KCNB2: variants seen among roughly 807,000 people sequenced by gnomAD.
KCNB2 encodes potassium voltage-gated channel subfamily B member 2.
KCNB2 carries 15 observed loss-of-function variants against 61.5 expected under a neutral mutation model. The observed-to-expected ratio is 0.24, with a 90% CI of 0.16 to 0.38. The LOEUF is 0.38. Ranked by LOEUF, KCNB2 falls within the 10% of genes least tolerant of loss-of-function variation. KCNB2 has a pLI of 1.00. For missense variants in KCNB2, 828 were observed against 1,125.2 expected (o/e 0.74, Z 3.78); for synonymous variants, 457 against 446.0 (o/e 1.02, Z -0.31).
chr8:72,642,447 A>G (rs1345251954), intron 2 of KCNB2, among the ~76,000 whole-genome samples: 1 of 152,100 alleles, frequency 6.6e-6, no homozygotes, highest in Non-Finnish European at 1.5e-5. Context: ...CATCATTATA[A>G]AGAACACAGA....
chr8:72,936,924 G>T lies in KCNB2; in HGVS notation c.1569G>T (p.Gln523His), dbSNP rs774928648. ...QEVSQKDSHE[Q>H]LNNTSSSSPQ... is the part of the protein sequence containing the mutation. ...TTAGCCAAAAAGACTCCCACGAGCA[G>T]CTGAACAACACGTCTTCCTCCAGCC... is the stretch of plus-strand genomic sequence containing the variant. The change falls in exon 3 of 3, where the codon CAG becomes CAT. Residue 523 changes from glutamine (Q) to histidine (H), a missense_variant. This residue lies in a region of KCNB2 where 559 missense variants were observed against 588.4 expected (regional missense o/e 0.95). Coordinates refer to ENST00000523207, the MANE Select transcript of KCNB2 (RefSeq NM_004770.3). This position sits in a 1 kb window ranked among gnomAD's most constrained non-coding sequence, Gnocchi z 5.6. The T allele has an allele frequency of 2.5e-6, 4 of 1,614,026 alleles. No homozygotes were observed. The East Asian group carries it at 8.9e-5, about 36-fold the overall frequency.
intron 2 of KCNB2, among the ~76,000 whole-genome samples, chr8:72,874,200 T>A (rs1457357576): frequency 3.3e-5 from 5 of 152,234 alleles, no homozygotes; most frequent in African/African-American, 9.6e-5. Flanking sequence ...TCTAATTTTT[T>A]AAAAAATCTT....
intron 2 of KCNB2, among the ~76,000 whole-genome samples, chr8:72,667,006 T>TGTGTGAGA (rs141712140): frequency 0.016 from 2,368 of 147,896 alleles, 67 homozygotes; most frequent in African/African-American, 0.055. Context: ...TGTGTGTGTG[T>TGTGTGAGA]GAGAGAGAGA....
intron 2 of KCNB2, among the ~76,000 whole-genome samples, chr8:72,626,456 G>A (rs1342155896): frequency 2.0e-5 from 3 of 152,252 alleles, no homozygotes; most frequent in Non-Finnish European, 4.4e-5. Context: ...GTTACATGCA[G>A]CTAAATGACT....
intron 2 of KCNB2, among the ~76,000 whole-genome samples, chr8:72,628,467 T>C (rs1805829805): frequency 6.6e-6 from 1 of 150,410 alleles, no homozygotes; most frequent in Non-Finnish European, 1.5e-5. Context: ...AAGGGGTAGC[T>C]GATAATTATT....
chr8:72,915,436 G>A (rs1392512225), intron 2 of KCNB2, among the ~76,000 whole-genome samples: 1 of 152,110 alleles, frequency 6.6e-6, no homozygotes, highest in Admixed American at 6.5e-5. Context: ...CATGGGAGGG[G>A]GAAGGAGGTA....
At chr8:72,641,700 T>C (rs1806058687) in intron 2 of KCNB2, among the ~76,000 whole-genome samples, 1 of 152,116 alleles carries the variant, frequency 6.6e-6, no homozygotes, top group East Asian at 1.9e-4. Context: ...ACAATGCTTC[T>C]TCCTAGCAGC....
At chr8:72,538,640 T>C (rs1298525689) in intron 1 of KCNB2, among the ~76,000 whole-genome samples, 2 of 152,246 alleles carry the variant, frequency 1.3e-5, no homozygotes, top group Admixed American at 6.5e-5. Context: ...CAAGATTACA[T>C]TGAAAAAAAT....
chr8:72,552,958 A>T (rs1366115877), intron 1 of KCNB2, among the ~76,000 whole-genome samples: 1 of 152,084 alleles, frequency 6.6e-6, no homozygotes, highest in Non-Finnish European at 1.5e-5. Flanking sequence ...TGACAAAGAT[A>T]CAACACTGTG....
intron 2 of KCNB2, among the ~76,000 whole-genome samples, chr8:72,799,014 A>G (rs1224157168): frequency 6.6e-6 from 1 of 152,156 alleles, no homozygotes; most frequent in African/African-American, 2.4e-5. Flanking sequence ...TATCACTGTG[A>G]AGTATCTCAA....
chr8:72,613,733 T>A lies in KCNB2; in HGVS notation c.579+45420T>A, dbSNP rs535656946. Among the ~76,000 whole-genome samples, 5 of 152,304 alleles carry A rather than the reference T, an allele frequency of 3.3e-5. No homozygotes were observed. In the East Asian group the frequency reaches 9.6e-4, roughly 29 times the overall value. On this transcript the variant is annotated intron_variant, in intron 2 of 2. Coordinates refer to ENST00000523207, the MANE Select transcript of KCNB2 (RefSeq NM_004770.3). ...GTAGTCCCATTGTAAACCCCTGATG[T>A]GGTTAAACAGTGCACTTGTTAGTTG...
intron 2 of KCNB2, among the ~76,000 whole-genome samples, chr8:72,573,582 C>A (rs1806747783): frequency 6.6e-6 from 1 of 151,978 alleles, no homozygotes; most frequent in South Asian, 2.1e-4. Flanking sequence ...GTGTGCCGTG[C>A]AGTGCTATCC....
chr8:72,542,568 A>T (rs981274633), intron 1 of KCNB2, among the ~76,000 whole-genome samples: 2 of 152,174 alleles, frequency 1.3e-5, no homozygotes, highest in Admixed American at 1.3e-4. Context: ...GTATGGCAAT[A>T]CTCCTGGGGA....
At position 72,565,141 on chromosome 8, in the gene KCNB2, G is replaced by GTATATA. The variant is rs71566822; in HGVS notation, c.-93-2491_-93-2486dup. 1.6e-3 allele frequency among the ~76,000 whole-genome samples: 236 copies of GTATATA among 149,526 alleles called. 1 individual carries two copies. Among genetic ancestry groups the GTATATA allele is most frequent in the African/African-American group, 5.3e-3 (218 of 40,954 alleles). Reference sequence around the variant, plus strand: ...TGTCATGTGTGATGAAAATGTGTGTGTATATATATATATATGCTTAAAATA... The same window carrying GTATATA: ...TGTCATGTGTGATGAAAATGTGTGTGTATATATATATATATATATATGCTTAAAATA... On this transcript the variant is annotated intron_variant, in intron 1 of 2. Transcript: ENST00000523207.
intron 2 of KCNB2, among the ~76,000 whole-genome samples, chr8:72,664,850 A>G (rs997194951): frequency 1.3e-5 from 2 of 152,224 alleles, no homozygotes; most frequent in Non-Finnish European, 2.9e-5. Flanking sequence ...TTGTAAGTTT[A>G]AGTAAGGTTA....
intron 2 of KCNB2, among the ~76,000 whole-genome samples, chr8:72,768,930 G>A (rs1318374125): frequency 5.9e-5 from 9 of 152,114 alleles, no homozygotes; most frequent in African/African-American, 2.2e-4. Context: ...GGAGGCCAAG[G>A]TGGGCAGATC....
intron 2 of KCNB2, among the ~76,000 whole-genome samples, chr8:72,695,402 A>G (rs931231655): frequency 7.2e-5 from 11 of 152,192 alleles, no homozygotes; most frequent in Admixed American, 7.2e-4. Flanking sequence ...ATCTTCTTCA[A>G]AATTAGGGAC....
rs1390458602 is a variant in KCNB2, at chr8:72,599,343, T to C, written c.579+31030T>C. Among the ~76,000 whole-genome samples, 3 of 152,172 alleles carry C rather than the reference T, an allele frequency of 2.0e-5. No individual in the cohort carries two copies. In the East Asian group the frequency reaches 5.8e-4, roughly 29 times the overall value. On this transcript the variant is annotated intron_variant, in intron 2 of 2. Coordinates refer to ENST00000523207, the MANE Select transcript of KCNB2 (RefSeq NM_004770.3). ...TGACAAACCTGACAAAAACAAGCAA[T>C]TGGGAAAGGATTCCCTGTTTAATAA...
chr8:72,845,515 A>G (rs958615871), intron 2 of KCNB2, among the ~76,000 whole-genome samples: 2 of 152,200 alleles, frequency 1.3e-5, no homozygotes, highest in Non-Finnish European at 1.5e-5. Flanking sequence ...AGGAATATTT[A>G]AGTCTGCTGA....
Sources: gnomAD v4.1 joint callset for allele counts (sites outside exome capture counted in the v4.1 genomes callset) on GRCh38, gnomAD v4.1.1 for gene constraint, gnomAD v4.1.1 regional missense constraint, Gnocchi (gnomAD v3.1) non-coding constraint, MANE v1.5 for transcripts, NCBI Gene and HGNC (gene_info 2026-07-23, HGNC 2026-07-21) for gene names.